The following KMT2A variants were observed in gnomAD, a reference collection of about 807,000 sequenced individuals.
The protein encoded by KMT2A is lysine methyltransferase 2A, also known as histone-lysine N-methyltransferase 2A.
KMT2A carries 16 observed loss-of-function variants against 345.3 expected under a neutral mutation model. The observed-to-expected ratio is 0.05, with a 90% CI of 0.03 to 0.07. The LOEUF (loss-of-function observed/expected upper bound fraction) is 0.07, where lower values mean the gene tolerates loss of function less well. KMT2A is among the 10% of genes least tolerant of loss of function. The pLI, the probability that KMT2A is intolerant of heterozygous loss-of-function variation, is 1.00. For synonymous variants in KMT2A, 1,599 were observed against 1,778.6 expected (o/e 0.90, Z 2.54); for missense variants, 3,272 against 4,841.6 (o/e 0.68, Z 9.62).
intron 1 of KMT2A, among the ~76,000 whole-genome samples, chr11:118,461,452 G>A (rs191566875): frequency 2.0e-5 from 3 of 152,180 alleles, no homozygotes; most frequent in African/African-American, 7.2e-5. Flanking sequence ...ACAGTATTTT[G>A]CAGTGCTCTA....
Position 118,522,545 on chromosome 11 carries a change from C to A in KMT2A, c.*373C>A. ...AATAAGTTGCCATCCTCAGGTTGGC[C>A]CTTTCCCAAGCACTGTAAGTGAGTG... On this transcript the variant is annotated 3_prime_UTR_variant, in exon 36 of 36. Coordinates refer to ENST00000534358, the MANE Select transcript of KMT2A (RefSeq NM_001197104.2). The surrounding 1 kb of genome is among the most constrained non-coding windows in gnomAD (Gnocchi z 5.4). The A allele has an allele frequency of 3.6e-6, 1 of 279,226 alleles. No homozygotes were observed. Among genetic ancestry groups the A allele is most frequent in the Non-Finnish European group, 6.9e-6 (1 of 144,782 alleles). 17.3% of individuals were successfully genotyped at this position (279,226 alleles called of 1,614,324 possible).
intron 31 of KMT2A, among the ~76,000 whole-genome samples, chr11:118,515,586 C>T (rs369945343): frequency 6.6e-5 from 10 of 152,024 alleles, no homozygotes; most frequent in Admixed American, 3.9e-4. Flanking sequence ...CAATAACATT[C>T]AGTCATCACA....
At chr11:118,506,851 T>G (rs1442299327) in intron 27 of KMT2A, among the ~76,000 whole-genome samples, 1 of 152,250 alleles carries the variant, frequency 6.6e-6, no homozygotes, top group Non-Finnish European at 1.5e-5. Flanking sequence ...GTCTCTTGAA[T>G]AGAACCACAT....
At chr11:118,438,165 G>A (rs1257180351) in intron 1 of KMT2A, among the ~76,000 whole-genome samples, 1 of 151,898 alleles carries the variant, frequency 6.6e-6, no homozygotes. Context: ...CTTTGGGATG[G>A]GAGAAAAAGG....
At chr11:118,446,070 C>T (rs1351969321) in intron 1 of KMT2A, among the ~76,000 whole-genome samples, 3 of 151,634 alleles carry the variant, frequency 2.0e-5, no homozygotes, top group African/African-American at 4.8e-5. Flanking sequence ...ATTTGCAGGC[C>T]GGGTGGGGTG....
In KMT2A at chr11:118,456,495, C is replaced by T. The variant is rs899561639; in HGVS notation, c.433-12280C>T. On this transcript the variant is annotated intron_variant, in intron 1 of 35. Transcript: ENST00000534358. ...CTGGGATTACAGGCACCTGCCACCA[C>T]GCCCAGCTAATTTTTTGTGTTTTTA... Among the ~76,000 whole-genome samples the T allele has an allele frequency of 3.9e-5, 6 of 152,006 alleles. No individual in the cohort carries two copies. The South Asian group carries it at 1.0e-3, about 26-fold the overall frequency.
rs387907275 is a variant in KMT2A, at chr11:118,503,036, C to G, written c.7144C>G (p.Arg2382Gly). Residue 2382 changes from arginine to glycine, a missense_variant, in exon 27 of 36, where the codon CGA (arginine) becomes GGA (glycine). Physicochemically the swap from Arg to Gly is moderately radical, Grantham distance 125. Around this residue, in one of 27 missense-constraint regions of KMT2A, gnomAD observed 445 missense variants for 500.9 expected, o/e 0.89. Transcript: ENST00000534358. The surrounding 1 kb of genome is among the most constrained non-coding windows in gnomAD (Gnocchi z 5.3). The part of the protein sequence containing the change: ...HLHLRGQRND[R>G]DQHTDSTQSA... The stretch of plus-strand genomic sequence containing the variant: ...CCATTTGAGAGGGCAAAGGAATGAT[C>G]GAGACCAACACACAGATTCTACCCA... 2 of 1,613,386 alleles carry G rather than the reference C, an allele frequency of 1.2e-6. No homozygotes were observed. The highest frequency in any genetic ancestry group is 8.5e-7 in the Non-Finnish European group (1 of 1,179,956).
At chr11:118,461,564 A>G (rs1407157039) in intron 1 of KMT2A, among the ~76,000 whole-genome samples, 1 of 152,160 alleles carries the variant, frequency 6.6e-6, no homozygotes, top group Non-Finnish European at 1.5e-5. Context: ...TTTTGTGGCT[A>G]TACTGTCTTG....
Position 118,484,237 on chromosome 11 carries a change from A to G in KMT2A, c.4141A>G (p.Ser1381Gly), listed in dbSNP as rs1950191495. ...QENAGTLNIL[S>G]TLSNGNSSKQ... Reference sequence around the variant, plus strand: ...GAATGCAGGCACTTTGAACATCCTCAGCACTCTCTCCAATGGCAATAGTTC... The same window carrying G: ...GAATGCAGGCACTTTGAACATCCTCGGCACTCTCTCCAATGGCAATAGTTC... Residue 1381 changes from serine (S) to glycine (G), a missense_variant, in exon 9 of 36, where the codon AGC becomes GGC. Physicochemically the swap from Ser to Gly is moderately conservative, Grantham distance 56 (BLOSUM62 0). Coordinates refer to ENST00000534358, the MANE Select transcript of KMT2A (RefSeq NM_001197104.2). This position sits in a 1 kb window ranked among gnomAD's most constrained non-coding sequence, Gnocchi z 4.1. 6.2e-7 allele frequency: 1 copy of G among 1,614,034 alleles called. No individual in the cohort carries two copies. The highest frequency in any genetic ancestry group is 1.1e-5 in the South Asian group (1 of 91,088).
At chr11:118,485,275 G>A (rs1950208855) in intron 10 of KMT2A, among the ~76,000 whole-genome samples, 2 of 151,908 alleles carry the variant, frequency 1.3e-5, no homozygotes, top group Admixed American at 1.3e-4. Context: ...CTATTAAAAG[G>A]GATGCTATTG....
rs1555036054 is a variant in KMT2A, at chr11:118,472,683, A to C, written c.1524A>C (p.Glu508Asp). Residue 508 changes from glutamate (E) to aspartate (D), a missense_variant, in exon 3 of 36, where the codon GAA becomes GAC. By Grantham distance (45) the Glu-to-Asp change is conservative. Transcript: ENST00000534358. ...CTGAGGAGCGGAGCGATACCCCTGAAGTTCATCCTCCACTGCCCATTTCCC... is the reference window on the plus strand; with the variant it reads ...CTGAGGAGCGGAGCGATACCCCTGACGTTCATCCTCCACTGCCCATTTCCC... ...VLPEERSDTP[E>D]VHPPLPISQS... The C allele has an allele frequency of 6.2e-7, 1 of 1,613,308 alleles. No homozygotes were observed. Among genetic ancestry groups the C allele is most frequent in the Admixed American group, 1.7e-5 (1 of 59,870 alleles).
intron 31 of KMT2A, among the ~76,000 whole-genome samples, chr11:118,514,440 C>CTT (rs797029052): frequency 7.0e-6 from 1 of 141,874 alleles, no homozygotes. Flanking sequence ...ATCCATGTGT[C>CTT]TTTTTTTTTT....
rs572386719 is a variant in KMT2A at position 118,441,715 on chromosome 11, CT to C, written c.432+4774del. On this transcript the variant is annotated intron_variant, in intron 1 of 35. Coordinates refer to ENST00000534358, the MANE Select transcript of KMT2A (RefSeq NM_001197104.2). ...TTATACTGAGCATTAGAAATTCAGT[CT>C]TTAGAACTTTTCTTCCTCTGTGACT... 1.2e-4 allele frequency among the ~76,000 whole-genome samples: 18 copies of C among 152,266 alleles called. No individual in the cohort carries two copies. In the South Asian group the frequency reaches 3.7e-3, roughly 32 times the overall value.
chr11:118,451,825 T>C (rs1046151710), intron 1 of KMT2A, among the ~76,000 whole-genome samples: 1 of 152,104 alleles, frequency 6.6e-6, no homozygotes, highest in African/African-American at 2.4e-5. Flanking sequence ...GCTTAAAATG[T>C]AGCAGGAATA....
In KMT2A at chr11:118,484,472, G is replaced by C; in HGVS notation, c.4218+158G>C. 1.4e-6 allele frequency: 1 copy of C among 705,410 alleles called. No individual in the cohort carries two copies. The highest frequency in any genetic ancestry group is 2.3e-6 in the Non-Finnish European group (1 of 428,768). 43.7% of individuals were successfully genotyped at this position (705,410 alleles called of 1,614,324 possible). On this transcript the variant is annotated intron_variant, in intron 9 of 35. Coordinates refer to ENST00000534358, the MANE Select transcript of KMT2A (RefSeq NM_001197104.2). This position sits in a 1 kb window ranked among gnomAD's most constrained non-coding sequence, Gnocchi z 4.1. Reference sequence around the variant, plus strand: ...TGGGTTTAGCGCTGGGAGAGCTTTGGTCAGTGTTGTTAGGTCACTGTTTGT... The same window carrying C: ...TGGGTTTAGCGCTGGGAGAGCTTTGCTCAGTGTTGTTAGGTCACTGTTTGT...
chr11:118,472,110 T>G lies in KMT2A; in HGVS notation c.951T>G (p.Gly317=), dbSNP rs1328306855. ...PSTERIKTPS[G]LLINSELEKP... ...CAGAAAGGATAAAGACCCCTTCGGG[T>G]CTCCTCATTAATTCTGAACTGGAAA... is the stretch of plus-strand genomic sequence containing the variant. The change falls in exon 3 of 36, where the codon GGT becomes GGG. Residue 317 remains glycine (G), a synonymous_variant. Coordinates refer to ENST00000534358, the MANE Select transcript of KMT2A (RefSeq NM_001197104.2). The G allele has an allele frequency of 3.7e-6, 6 of 1,613,694 alleles. No individual in the cohort carries two copies. The African/African-American group carries it at 6.7e-5, about 18-fold the overall frequency.
Position 118,494,818 on chromosome 11 carries a change from A to G in KMT2A, c.5363+51A>G. 1 of 1,407,498 alleles carries G rather than the reference A, an allele frequency of 7.1e-7. No individual in the cohort carries two copies. The highest frequency in any genetic ancestry group is 1.0e-6 in the Non-Finnish European group (1 of 996,970). The allele number at this position is 1,407,498 out of a possible 1,614,324, so 87.2% of individuals were successfully genotyped here. ...TTTCTCCTCATCGGCTAGAAATCTG[A>G]GAGTTCTCATATTTCTAGATTGCAG... is the stretch of plus-strand genomic sequence containing the variant. On this transcript the variant is annotated intron_variant, in intron 18 of 35. Coordinates refer to ENST00000534358, the MANE Select transcript of KMT2A (RefSeq NM_001197104.2). The surrounding 1 kb of genome is among the most constrained non-coding windows in gnomAD (Gnocchi z 5.8).
rs2134268844 is a variant in KMT2A, at chr11:118,473,610, G to A, written c.2451G>A (p.Arg817=). The stretch of plus-strand genomic sequence containing the variant: ...CTGCAGAGAAAAATCAGAGACCAAG[G>A]AAGCAGACTAGTGCTCCGGCAGAGC... ...GESAEKNQRP[R]KQTSAPAEPF... is the part of the protein sequence containing the mutation. Residue 817 remains arginine (R), a synonymous_variant, in exon 3 of 36, where the codon AGG becomes AGA. Coordinates refer to ENST00000534358, the MANE Select transcript of KMT2A (RefSeq NM_001197104.2). The surrounding 1 kb of genome is among the most constrained non-coding windows in gnomAD (Gnocchi z 5.2). 6.2e-7 allele frequency: 1 copy of A among 1,614,042 alleles called. No individual in the cohort carries two copies. Among genetic ancestry groups the A allele is most frequent in the South Asian group, 1.1e-5 (1 of 91,084 alleles).
intron 1 of KMT2A, among the ~76,000 whole-genome samples, chr11:118,460,033 C>A (rs1020296652): frequency 2.0e-5 from 3 of 152,134 alleles, no homozygotes; most frequent in Non-Finnish European, 4.4e-5. Flanking sequence ...AAAAGCTATG[C>A]ATTTTAGTTG....
Sources: gnomAD v4.1 joint callset for allele counts (sites outside exome capture counted in the v4.1 genomes callset) on GRCh38, gnomAD v4.1.1 for gene constraint, gnomAD v4.1.1 regional missense constraint, Gnocchi (gnomAD v3.1) non-coding constraint, MANE v1.5 for transcripts, NCBI Gene and HGNC (gene_info 2026-07-23, HGNC 2026-07-21) for gene names.